Variants in OVCH1 observed in about 807,000 individuals in gnomAD.
OVCH1 encodes ovochymase-1.
In OVCH1, 139 loss-of-function variants were observed where a neutral mutation model predicts 138.4. The ratio of observed to expected loss-of-function variants is 1.00; its 90% confidence interval spans 0.87 to 1.16. The LOEUF (loss-of-function observed/expected upper bound fraction) is 1.16, where lower values mean the gene tolerates loss of function less well. OVCH1 is among the 50% of genes most tolerant of loss of function. The pLI is 0.00. For missense variants in OVCH1, 1,367 were observed against 1,357.9 expected (o/e 1.01, Z -0.11); for synonymous variants, 453 against 467.8 (o/e 0.97, Z 0.41).
At chr12:29,433,545 A>G (rs1425265877) in intron 27 of OVCH1, among the ~76,000 whole-genome samples, 1 of 152,148 alleles carries the variant, frequency 6.6e-6, no homozygotes, top group African/African-American at 2.4e-5. Flanking sequence ...TTAATATACT[A>G]TATATTTTTA....
intron 3 of OVCH1, among the ~76,000 whole-genome samples, chr12:29,421,910 GTGT>G (rs1941109780): frequency 6.6e-6 from 1 of 152,156 alleles, no homozygotes; most frequent in African/African-American, 2.4e-5. Flanking sequence ...CAGTGGATTT[GTGT>G]TGTTTATTCA....
downstream of OVCH1, among the ~76,000 whole-genome samples, chr12:29,411,786 G>C (rs889831641): frequency 1.6e-5 from 1 of 61,240 alleles, no homozygotes; most frequent in Non-Finnish European, 4.8e-5. Context: ...CAGTCTGCCT[G>C]TTCTCAGATA....
chr12:29,475,456 A>G (rs562129574), intron 13 of OVCH1, among the ~76,000 whole-genome samples: 13 of 150,576 alleles, frequency 8.6e-5, no homozygotes, highest in South Asian at 8.4e-4. Context: ...TTTGTAGACA[A>G]TAAGAAGAGG....
chr12:29,413,769 G>GGAAAT, intron 3 of OVCH1, among the ~76,000 whole-genome samples: 1 of 152,032 alleles, frequency 6.6e-6, no homozygotes, highest in African/African-American at 2.4e-5. Flanking sequence ...CTGCTATCCT[G>GGAAAT]GATCATTTAT....
intron 27 of OVCH1, among the ~76,000 whole-genome samples, chr12:29,432,984 T>G (rs1941295456): frequency 6.6e-6 from 1 of 151,976 alleles, no homozygotes; most frequent in Admixed American, 6.6e-5. Flanking sequence ...CATATGAGGA[T>G]AAATTCAAGA....
intron 16 of OVCH1, among the ~76,000 whole-genome samples, chr12:29,470,824 C>T (rs919201604): frequency 6.6e-6 from 1 of 152,196 alleles, no homozygotes; most frequent in African/African-American, 2.4e-5. Flanking sequence ...AACTAATTTA[C>T]ATTCCCACCA....
At chr12:29,465,106 T>C (rs749305691) in intron 17 of OVCH1, 41 bp downstream of exon 17, 1 of 1,519,094 alleles carries the variant, frequency 6.6e-7, no homozygotes, top group Admixed American at 2.0e-5. Flanking sequence ...GTGACAACAT[T>C]TAGATTACAG....
exon 27 of OVCH1, chr12:29,433,771 A>G (rs1941310264): frequency 7.0e-7 from 1 of 1,425,722 alleles, no homozygotes; most frequent in Non-Finnish European, 9.4e-7. Flanking sequence ...TTTGATGCAA[A>G]TTTCTTCTGT....
exon 22 of OVCH1, chr12:29,451,364 G>A (rs1330151287): frequency 1.2e-6 from 2 of 1,612,544 alleles, no homozygotes; most frequent in Admixed American, 3.3e-5. Context: ...TTCTCTTACT[G>A]TGTCTTTCTT....
chr12:29,406,840 C>G, the OVCH1 span, among the ~76,000 whole-genome samples: 2 of 138,004 alleles, frequency 1.4e-5, no homozygotes, highest in Admixed American at 1.5e-4. Flanking sequence ...ATGGCTGGGT[C>G]AAATGGTATT....
chr12:29,414,821 T>C (rs577763338), intron 3 of OVCH1, among the ~76,000 whole-genome samples: 2 of 152,296 alleles, frequency 1.3e-5, no homozygotes, highest in African/African-American at 4.8e-5. Flanking sequence ...TCATATGAAT[T>C]GTGGAAAGGC....
intron 19 of OVCH1, among the ~76,000 whole-genome samples, chr12:29,460,597 A>C (rs1361697572): frequency 6.6e-6 from 1 of 152,132 alleles, no homozygotes; most frequent in African/African-American, 2.4e-5. Flanking sequence ...ACTATGGCTC[A>C]AGGGAAAGTA....
chr12:29,475,534 A>G (rs1942676469), intron 13 of OVCH1, among the ~76,000 whole-genome samples: 1 of 152,130 alleles, frequency 6.6e-6, no homozygotes, highest in African/African-American at 2.4e-5. Flanking sequence ...AGCATACTTT[A>G]TAAGAGAGGT....
At chr12:29,472,059 T>A (rs1942530824) in intron 15 of OVCH1, 77 bp from the exon 16 acceptor site, 3 of 1,358,302 alleles carry the variant, frequency 2.2e-6, no homozygotes, top group Admixed American at 5.3e-5. Context: ...TTGCCATAGT[T>A]AACAGTAGTG....
intron 16 of OVCH1, among the ~76,000 whole-genome samples, chr12:29,471,378 C>G (rs1565594676): frequency 6.6e-6 from 1 of 152,226 alleles, no homozygotes; most frequent in East Asian, 1.9e-4. Context: ...CAATCCTAAA[C>G]CAATCTGGTG....
intron 27 of OVCH1, chr12:29,431,034 G>A (rs1941258611): frequency 2.8e-6 from 1 of 356,456 alleles, no homozygotes; most frequent in Non-Finnish European, 5.6e-6. Context: ...GAACATTCAG[G>A]GTCAATACAC....
At chr12:29,449,029 C>A (rs1410218377) in intron 22 of OVCH1, among the ~76,000 whole-genome samples, 1 of 152,062 alleles carries the variant, frequency 6.6e-6, no homozygotes, top group African/African-American at 2.4e-5. Flanking sequence ...TTCTGTTGAA[C>A]AAAAAGAGGT....
At chr12:29,428,809 C>T (rs1371693190) in intron 27 of OVCH1, among the ~76,000 whole-genome samples, 1 of 152,158 alleles carries the variant, frequency 6.6e-6, no homozygotes. Context: ...AGTGGCAGAA[C>T]TAAGAGGAAA....
intron 19 of OVCH1, among the ~76,000 whole-genome samples, chr12:29,456,925 G>A (rs527384918): frequency 3.0e-3 from 461 of 152,292 alleles, no homozygotes; most frequent in Non-Finnish European, 4.0e-3. Flanking sequence ...GCAGGAAGTG[G>A]ATGAACACAA....
Sources: gnomAD v4.1 joint callset for allele counts (sites outside exome capture counted in the v4.1 genomes callset) on GRCh38, gnomAD v4.1.1 for gene constraint, MANE v1.5 for transcripts, NCBI Gene and HGNC (gene_info 2026-07-23, HGNC 2026-07-21) for gene names.